The following ARIH1 variants were observed in gnomAD, a reference collection of about 807,000 sequenced individuals.
ARIH1 encodes the protein E3 ubiquitin-protein ligase ARIH1.
In ARIH1, 8 loss-of-function variants were observed where a neutral mutation model predicts 85.0. The observed-to-expected ratio is 0.09, with a 90% confidence interval of 0.06 to 0.17. The LOEUF (loss-of-function observed/expected upper bound fraction) is 0.17, where lower values mean the gene tolerates loss of function less well. Ranked by LOEUF, ARIH1 falls within the 10% of genes least tolerant of loss-of-function variation. The pLI is 1.00. For missense variants in ARIH1, 311 were observed against 718.1 expected, an observed-to-expected ratio of 0.43 and a Z score of 6.48; for synonymous variants, 238 against 253.6, an observed-to-expected ratio of 0.94 and a Z score of 0.59.
chr15:72,600,998 A>C lies in ARIH1; in HGVS notation c.*17706A>C, dbSNP rs946930165. On this transcript the variant is annotated 3_prime_UTR_variant, in exon 14 of 14. Coordinates refer to ENST00000379887, the MANE Select transcript of ARIH1 (RefSeq NM_005744.5). The stretch of plus-strand genomic sequence containing the variant: ...GTCCTTAAGTCTTCCCATTTCAGTA[A>C]TTGGCTGTACCACTCATCCAGCAGC... 7 of 152,158 alleles carry C rather than the reference A, an allele frequency of 4.6e-5. No homozygotes were observed. Among genetic ancestry groups the C allele is most frequent in the African/African-American group, 1.4e-4 (6 of 41,418 alleles). 9.4% of individuals were successfully genotyped at this position (152,158 alleles called of 1,614,324 possible).
At chr15:72,530,249 A>G (rs1012551460) in intron 2 of ARIH1, among the ~76,000 whole-genome samples, 11 of 152,226 alleles carry the variant, frequency 7.2e-5, no homozygotes, top group Non-Finnish European at 1.6e-4. Context: ...AAGATAGGAA[A>G]TAGAGGTTCA....
At chr15:72,499,281 A>T (rs1198039632) in intron 1 of ARIH1, among the ~76,000 whole-genome samples, 1 of 151,860 alleles carries the variant, frequency 6.6e-6, no homozygotes, top group Non-Finnish European at 1.5e-5. Flanking sequence ...ATGGTATTTA[A>T]TGTATAATTA....
intron 2 of ARIH1, among the ~76,000 whole-genome samples, chr15:72,529,955 ATAG>A (rs1271516108): frequency 2.6e-5 from 4 of 152,198 alleles, no homozygotes; most frequent in South Asian, 2.1e-4. Flanking sequence ...TTATGGAGAA[ATAG>A]TGATGGAAAA....
At chr15:72,503,730 C>T (rs1426484843) in intron 1 of ARIH1, among the ~76,000 whole-genome samples, 1 of 152,186 alleles carries the variant, frequency 6.6e-6, no homozygotes, top group Non-Finnish European at 1.5e-5. Flanking sequence ...TTCTTGACCC[C>T]TTCTTTGGAC....
Position 72,591,258 on chromosome 15 carries a change from A to G in ARIH1, c.*7966A>G, listed in dbSNP as rs867977771. 4 of 151,806 alleles carry G rather than the reference A, an allele frequency of 2.6e-5. No individual in the cohort carries two copies. The highest frequency in any genetic ancestry group is 2.9e-5 in the Non-Finnish European group (2 of 68,022). The allele number at this position is 151,806 out of a possible 1,614,324, so 9.4% of individuals were successfully genotyped here. ...AAAAAAAAAAAGAAGAAGAAGAAGAAATACAAAACCAACTCTTTATAGTAG... is the reference window on the plus strand; with the variant it reads ...AAAAAAAAAAAGAAGAAGAAGAAGAGATACAAAACCAACTCTTTATAGTAG... On this transcript the variant is annotated 3_prime_UTR_variant, in exon 14 of 14. Transcript: ENST00000379887.
At chr15:72,537,060 G>A (rs1351152659) in intron 2 of ARIH1, among the ~76,000 whole-genome samples, 1 of 151,830 alleles carries the variant, frequency 6.6e-6, no homozygotes, top group Non-Finnish European at 1.5e-5. Context: ...GTCTTTTATA[G>A]CAAGCTGTTA....
At chr15:72,510,527 G>A (rs866003697) in intron 1 of ARIH1, among the ~76,000 whole-genome samples, 4 of 151,524 alleles carry the variant, frequency 2.6e-5, no homozygotes, top group Non-Finnish European at 4.4e-5. Flanking sequence ...GGTGGATCAC[G>A]AGGTCAGGAG....
At chr15:72,546,938 G>C (rs527763591) in intron 3 of ARIH1, among the ~76,000 whole-genome samples, 5 of 59,410 alleles carry the variant, frequency 8.4e-5, no homozygotes, top group African/African-American at 1.3e-4. Flanking sequence ...TTTTGGAGGG[G>C]GGGGGGTGGG....
intron 11 of ARIH1, among the ~76,000 whole-genome samples, chr15:72,578,522 A>G (rs539840548): frequency 1.3e-5 from 2 of 152,300 alleles, no homozygotes; most frequent in South Asian, 4.1e-4. Context: ...AGATTTATGT[A>G]TATTTTATCG....
chr15:72,554,583 C>T lies in ARIH1; in HGVS notation c.589-688C>T, dbSNP rs145576171. On this transcript the variant is annotated intron_variant, in intron 3 of 13. Transcript: ENST00000379887. ...TTAATTTTTTGTGGAGACAGAGTCT[C>T]ACTATGTTGCCCAGGCTGGTCTTGA... Among the ~76,000 whole-genome samples, 479 of 152,224 alleles carry T rather than the reference C, an allele frequency of 3.1e-3. 3 individuals are homozygous for T. The highest frequency in any genetic ancestry group is 0.011 in the African/African-American group (462 of 41,542).
At chr15:72,549,080 C>A (rs1011587586) in intron 3 of ARIH1, among the ~76,000 whole-genome samples, 23 of 149,860 alleles carry the variant, frequency 1.5e-4, no homozygotes, top group Non-Finnish European at 3.0e-4. Flanking sequence ...TACAGCGTCT[C>A]TCTCTCTCTT....
chr15:72,566,445 C>T (rs2064221487), intron 7 of ARIH1, 118 bp from the exon 8 acceptor site: 1 of 821,726 alleles, frequency 1.2e-6, no homozygotes, highest in South Asian at 1.5e-5. Flanking sequence ...CTTGTATTTG[C>T]CAGTCACTAG....
intron 1 of ARIH1, among the ~76,000 whole-genome samples, chr15:72,514,704 A>T (rs1257382162): frequency 6.9e-6 from 1 of 144,180 alleles, no homozygotes; most frequent in Non-Finnish European, 1.5e-5. Context: ...ACCTTGTCTT[A>T]AAAAAAAAAA....
At chr15:72,478,261 G>A (rs939924927) in intron 1 of ARIH1, among the ~76,000 whole-genome samples, 7 of 152,002 alleles carry the variant, frequency 4.6e-5, no homozygotes, top group African/African-American at 1.7e-4. Context: ...GATTACAGGT[G>A]TGCACCACCA....
rs538227189 is a variant in ARIH1 at position 72,579,123 on chromosome 15, C to A, written c.1216-1608C>A. On this transcript the variant is annotated intron_variant, in intron 11 of 13. Transcript: ENST00000379887. ...TTTTATAGTTGGTTCAAATTGGGAT[C>A]CACATAGGTCCACAAATTGGATTTA... 2.4e-4 allele frequency among the ~76,000 whole-genome samples: 36 copies of A among 152,256 alleles called. No individual in the cohort carries two copies. In the East Asian group the frequency reaches 3.7e-3, roughly 16 times the overall value.
At chr15:72,503,874 C>T (rs959269366) in intron 1 of ARIH1, among the ~76,000 whole-genome samples, 3 of 152,232 alleles carry the variant, frequency 2.0e-5, no homozygotes, top group East Asian at 3.9e-4. Context: ...GTGGGCCCTG[C>T]GATGGCACCC....
intron 1 of ARIH1, among the ~76,000 whole-genome samples, chr15:72,486,543 G>C (rs146413924): frequency 6.6e-6 from 1 of 152,072 alleles, no homozygotes; most frequent in Non-Finnish European, 1.5e-5. Flanking sequence ...ATACAGCTTG[G>C]GGTATAGTTG....
chr15:72,480,054 A>G (rs2063809535), intron 1 of ARIH1, among the ~76,000 whole-genome samples: 1 of 151,570 alleles, frequency 6.6e-6, no homozygotes, highest in Non-Finnish European at 1.5e-5. Flanking sequence ...ATTTTTTAGT[A>G]GAGATGGGGT....
At chr15:72,485,798 C>G (rs1567336767) in intron 1 of ARIH1, among the ~76,000 whole-genome samples, 1 of 152,076 alleles carries the variant, frequency 6.6e-6, no homozygotes, top group East Asian at 1.9e-4. Flanking sequence ...ATCGTTTGAT[C>G]TTGACACTAT....
Sources: allele counts gnomAD v4.1 joint callset (sites outside exome capture counted in the v4.1 genomes callset), GRCh38; gene constraint gnomAD v4.1.1; transcripts MANE v1.5; gene names NCBI Gene and HGNC (gene_info 2026-07-23, HGNC 2026-07-21).